RAPGEF1: variants seen among roughly 807,000 people sequenced by gnomAD.
RAPGEF1 encodes CRK SH3-binding GNRP.
A neutral mutation model predicts 143.3 loss-of-function variants in RAPGEF1; 33 were observed. That is an observed-to-expected ratio of 0.23 (90% CI 0.17 to 0.31). The LOEUF (loss-of-function observed/expected upper bound fraction) is 0.31. Ranked by LOEUF, RAPGEF1 falls within the 10% of genes least tolerant of loss-of-function variation. RAPGEF1 has a pLI of 1.00. For missense variants in RAPGEF1, 1,199 were observed against 1,645.4 expected (o/e 0.73, Z 4.69); for synonymous variants, 629 against 676.5 (o/e 0.93, Z 1.09).
intron 12 of RAPGEF1, among the ~76,000 whole-genome samples, chr9:131,617,938 T>G (rs1181871448): frequency 6.6e-6 from 1 of 152,230 alleles, no homozygotes; most frequent in East Asian, 1.9e-4. Context: ...TTCCTGGACA[T>G]GCGCAGATGC....
At chr9:131,701,179 A>T (rs984879136) in intron 1 of RAPGEF1, among the ~76,000 whole-genome samples, 10 of 152,226 alleles carry the variant, frequency 6.6e-5, no homozygotes, top group African/African-American at 2.4e-4. Context: ...CCCTCTATGC[A>T]GCTGGGAAAG....
chr9:131,674,820 C>G (rs1832023759), intron 1 of RAPGEF1, among the ~76,000 whole-genome samples: 1 of 152,190 alleles, frequency 6.6e-6, no homozygotes, highest in African/African-American at 2.4e-5. Flanking sequence ...GAACAAGAAA[C>G]CCTGTGGAGG....
At chr9:131,669,692 C>T (rs146666132) in intron 1 of RAPGEF1, among the ~76,000 whole-genome samples, 24 of 152,296 alleles carry the variant, frequency 1.6e-4, no homozygotes, top group Non-Finnish European at 2.8e-4. Flanking sequence ...AAGAGCCCAC[C>T]CTGGTGCTAC....
Position 131,602,143 on chromosome 9 carries a change from G to T in RAPGEF1, c.2419C>A (p.Pro807Thr). The change falls in exon 15 of 27, where the codon CCG becomes ACG. Residue 807 changes from proline (P) to threonine (T), a missense_variant. Transcript: ENST00000683357. ...EELAPSRGEP[P>T]AGKDGHPRDP... ...CTGGGATGTCCGTCTTTCCCAGCCG[G>T]TGGCTCCTGGAAAGAGGAGTGGGTG... 2 of 1,585,468 alleles carry T rather than the reference G, an allele frequency of 1.3e-6. No individual in the cohort carries two copies. Among genetic ancestry groups the T allele is most frequent in the South Asian group, 2.3e-5 (2 of 87,040 alleles).
chr9:131,684,713 A>G (rs1033140019), intron 1 of RAPGEF1, among the ~76,000 whole-genome samples: 1 of 152,254 alleles, frequency 6.6e-6, no homozygotes, highest in Non-Finnish European at 1.5e-5. Flanking sequence ...AAAGTTGGGA[A>G]ATAGGTAAAA....
chr9:131,614,010 T>A (rs980943742), intron 12 of RAPGEF1, among the ~76,000 whole-genome samples: 2 of 152,128 alleles, frequency 1.3e-5, no homozygotes, highest in East Asian at 3.9e-4. Flanking sequence ...AGGAGGAACA[T>A]GCACCAGTGG....
At chr9:131,705,829 G>A (rs1172100127) in intron 1 of RAPGEF1, among the ~76,000 whole-genome samples, 3 of 152,150 alleles carry the variant, frequency 2.0e-5, no homozygotes, top group African/African-American at 7.2e-5. Context: ...ACAGCAGGTG[G>A]AGGCTGTAAG....
At chr9:131,694,025 G>T (rs978540504) in intron 1 of RAPGEF1, among the ~76,000 whole-genome samples, 1 of 151,990 alleles carries the variant, frequency 6.6e-6, no homozygotes, top group Non-Finnish European at 1.5e-5. Context: ...ACTCAAGGCT[G>T]TGACAGGCCC....
chr9:131,737,275 C>A, intron 1 of RAPGEF1: 3 of 1,417,354 alleles, frequency 2.1e-6, no homozygotes, highest in Admixed American at 3.5e-5. Flanking sequence ...CTGGTCAGCC[C>A]CTTCCCCTCT....
chr9:131,649,489 T>C (rs1449226144), intron 3 of RAPGEF1, among the ~76,000 whole-genome samples: 1 of 152,210 alleles, frequency 6.6e-6, no homozygotes, highest in African/African-American at 2.4e-5. Flanking sequence ...CATTCAAATC[T>C]TGACTTTGCC....
At chr9:131,579,924 C>T (rs752793688) in intron 26 of RAPGEF1, among the ~76,000 whole-genome samples, 35 of 152,180 alleles carry the variant, frequency 2.3e-4, no homozygotes, top group Admixed American at 5.2e-4. Flanking sequence ...TGCCAGGGCC[C>T]GCCCTGGGGG....
intron 3 of RAPGEF1, among the ~76,000 whole-genome samples, chr9:131,646,702 G>A (rs991012439): frequency 2.0e-5 from 3 of 152,116 alleles, no homozygotes; most frequent in African/African-American, 7.2e-5. Context: ...CACACTATAG[G>A]ACAGTGTACC....
At chr9:131,651,451 A>AATTC (rs1971060105) in intron 1 of RAPGEF1, among the ~76,000 whole-genome samples, 1 of 152,220 alleles carries the variant, frequency 6.6e-6, no homozygotes. Flanking sequence ...GAAAGACTGA[A>AATTC]AGACTTGCCC....
intron 1 of RAPGEF1, among the ~76,000 whole-genome samples, chr9:131,731,470 C>T (rs1319531103): frequency 6.6e-6 from 1 of 152,208 alleles, no homozygotes; most frequent in East Asian, 1.9e-4. Flanking sequence ...CGTTTGGGGT[C>T]AGCTAAGTGG....
intron 11 of RAPGEF1, among the ~76,000 whole-genome samples, chr9:131,619,834 C>G (rs1366110334): frequency 2.6e-5 from 4 of 152,204 alleles, no homozygotes. Flanking sequence ...GATAACGCTT[C>G]CTGCATCTGC....
Position 131,599,244 on chromosome 9 carries a change from T to C in RAPGEF1, c.2502-934A>G, listed in dbSNP as rs566533820. Among the ~76,000 whole-genome samples the C allele has an allele frequency of 3.4e-3, 519 of 151,736 alleles. 2 individuals carry two copies. Among genetic ancestry groups the C allele is most frequent in the African/African-American group, 0.012 (489 of 41,342 alleles). On this transcript the variant is annotated intron_variant, in intron 15 of 26. Coordinates refer to ENST00000683357, the MANE Select transcript of RAPGEF1 (RefSeq NM_001377935.1). ...GGCTCAAGCCATCCTCCCACCTTAGTCTCCCAAGTAGCGAGGACTACAGGC... is the reference window on the plus strand; with the variant it reads ...GGCTCAAGCCATCCTCCCACCTTAGCCTCCCAAGTAGCGAGGACTACAGGC...
chr9:131,580,295 G>A lies in RAPGEF1; in HGVS notation c.3609C>T (p.Asn1203=), dbSNP rs764483512. 2.5e-6 allele frequency: 4 copies of A among 1,614,030 alleles called. No individual in the cohort carries two copies. In the South Asian group the frequency reaches 3.3e-5, roughly 13 times the overall value. The change falls in exon 26 of 27, where the codon AAC becomes AAT. Residue 1203 remains asparagine (N), a synonymous_variant. Transcript: ENST00000683357. The stretch of plus-strand genomic sequence containing the variant: ...GGAAGCAGCGCATGCTGTCGAGGAT[G>A]TTGAACTGCTGCCACCGCTTGGAGA... The part of the protein sequence containing the change: ...VNFSKRWQQF[N]ILDSMRCFQQ...
intron 1 of RAPGEF1, among the ~76,000 whole-genome samples, chr9:131,701,677 T>C (rs901515352): frequency 1.3e-5 from 2 of 152,216 alleles, no homozygotes; most frequent in East Asian, 1.9e-4. Flanking sequence ...TCATAACATA[T>C]ACAGTATGTT....
rs142591024 is a variant in RAPGEF1, at chr9:131,641,152, G to A, written c.494+2087C>T. Among the ~76,000 whole-genome samples, 10 of 152,242 alleles carry A rather than the reference G, an allele frequency of 6.6e-5. No individual in the cohort carries two copies. In the East Asian group the frequency reaches 1.9e-3, roughly 29 times the overall value. On this transcript the variant is annotated intron_variant, in intron 4 of 26. Transcript: ENST00000683357. The surrounding 1 kb of genome is among the most constrained non-coding windows in gnomAD (Gnocchi z 4.6). ...GCAAGTGACCTCCAAGCAGAGCCTG[G>A]CTCTGGGAAGCAACACTTCTAGCAG...
Sources: allele counts gnomAD v4.1 joint callset (sites outside exome capture counted in the v4.1 genomes callset), GRCh38; gene constraint gnomAD v4.1.1; non-coding constraint Gnocchi (gnomAD v3.1); transcripts MANE v1.5; gene names NCBI Gene and HGNC (gene_info 2026-07-23, HGNC 2026-07-21).